CREG1: variants seen among roughly 807,000 people sequenced by gnomAD.
CREG1 encodes cellular repressor of E1A stimulated genes 1, also known as protein CREG1.
CREG1 carries 20 observed loss-of-function variants against 19.9 expected under a neutral mutation model. The ratio of observed to expected loss-of-function variants is 1.01; its 90% CI spans 0.71 to 1.46. The LOEUF is 1.46. Among genes scored for constraint, CREG1 ranks in the 40% most tolerant of loss-of-function variants. CREG1 has a pLI of 0.00. For missense variants in CREG1, 290 were observed against 314.9 expected (o/e 0.92, Z 0.60); for synonymous variants, 141 against 143.3 (o/e 0.98, Z 0.12).
intron 1 of CREG1, among the ~76,000 whole-genome samples, chr1:167,550,616 A>T (rs1264715981): frequency 6.6e-6 from 1 of 152,202 alleles, no homozygotes; most frequent in Non-Finnish European, 1.5e-5. Flanking sequence ...TTACTGAGAA[A>T]ACAATAATTC....
rs3767442 is a variant in CREG1 at position 167,550,818 on chromosome 1, G to C, written c.354+2570C>G. Among the ~76,000 whole-genome samples the C allele has an allele frequency of 3.0e-4, 46 of 152,236 alleles. 2 individuals carry two copies. In the East Asian group the frequency reaches 7.3e-3, roughly 24 times the overall value. On this transcript the variant is annotated intron_variant, in intron 1 of 3. Transcript: ENST00000370509. Reference sequence around the variant, plus strand: ...GTGAGTCCTAGTAAGGACTAGAAGAGAATGTATACAACGAGAGTGTATACA... The same window carrying C: ...GTGAGTCCTAGTAAGGACTAGAAGACAATGTATACAACGAGAGTGTATACA...
intron 3 of CREG1, among the ~76,000 whole-genome samples, chr1:167,543,108 G>A (rs1040413629): frequency 7.2e-5 from 11 of 152,036 alleles, no homozygotes; most frequent in East Asian, 1.9e-4. Flanking sequence ...TTAGCCAGGC[G>A]TGGTGGCAGG....
At chr1:167,551,892 C>A (rs2995066) in intron 1 of CREG1, among the ~76,000 whole-genome samples, 127,712 of 152,196 alleles carry the variant, frequency 0.84, 53,858 homozygotes, top group East Asian at 1. Context: ...TCTGCCTTAG[C>A]TAAAAGAGGG....
chr1:167,549,135 G>C (rs1049830038), intron 1 of CREG1, among the ~76,000 whole-genome samples: 28 of 152,208 alleles, frequency 1.8e-4, no homozygotes, highest in Admixed American at 9.8e-4. Context: ...ACAGAACTGG[G>C]TGAGCCTAAG....
rs1656460763 is a variant in CREG1, at chr1:167,553,498, C to T, written c.244G>A (p.Gly82Ser). The T allele has an allele frequency of 6.7e-7, 1 of 1,490,094 alleles. No individual in the cohort carries two copies. 92.3% of individuals were successfully genotyped at this position (1,490,094 alleles called of 1,614,324 possible). A position where few individuals can be genotyped will look rare whatever the true frequency, so the allele number is the denominator to read the frequency against. ...ATISTLEAVR[G>S]RPFADVLSLS... ...GAGAGGACGTCGGCGAAGGGCCGGC[C>T]GCGCACCGCCTCCAGCGTGGAGATG... The change falls in exon 1 of 4, where the codon GGC becomes AGC. Residue 82 changes from glycine to serine, a missense_variant. Physicochemically the swap from Gly to Ser is moderately conservative, Grantham distance 56 (BLOSUM62 0). Coordinates refer to ENST00000370509, the MANE Select transcript of CREG1 (RefSeq NM_003851.3).
In CREG1 at chr1:167,542,315, CAG is replaced by C; in HGVS notation, c.660-16_660-15del. On this transcript the variant is annotated splice_polypyrimidine_tract_variant and intron_variant, in intron 3 of 3. Transcript: ENST00000370509. ...AGTCTGCTTCACCTAGAAAGGGGAACAGAGAAGAATTATTTTGTTAAACTGGG... is the reference window on the plus strand; with the variant it reads ...AGTCTGCTTCACCTAGAAAGGGGAACAGAAGAATTATTTTGTTAAACTGGG... The C allele has an allele frequency of 6.3e-7, 1 of 1,599,832 alleles. No homozygotes were observed. The highest frequency in any genetic ancestry group is 8.5e-7 in the Non-Finnish European group (1 of 1,174,742).
intron 1 of CREG1, among the ~76,000 whole-genome samples, chr1:167,549,022 CA>C (rs1446527490): frequency 5.9e-5 from 9 of 152,112 alleles, no homozygotes; most frequent in Non-Finnish European, 8.8e-5. Context: ...CAGCATAGAC[CA>C]GAGTGATAGA....
At chr1:167,544,547 G>A (rs899128073) in intron 3 of CREG1, among the ~76,000 whole-genome samples, 15 of 152,150 alleles carry the variant, frequency 9.9e-5, no homozygotes, top group Admixed American at 3.9e-4. Context: ...ATTACACTGA[G>A]CTAGGAGCCT....
At chr1:167,543,675 C>T (rs1283774045) in intron 3 of CREG1, among the ~76,000 whole-genome samples, 1 of 152,230 alleles carries the variant, frequency 6.6e-6, no homozygotes, top group Non-Finnish European at 1.5e-5. Context: ...CACTCCTAGA[C>T]TCGGAGATGG....
chr1:167,546,307 A>C (rs1430161861), intron 2 of CREG1, 22 bp from the exon 3 acceptor site: 1 of 1,480,298 alleles, frequency 6.8e-7, no homozygotes, highest in Non-Finnish European at 9.2e-7. Flanking sequence ...ATATGAAATA[A>C]ACATTCTTAT....
At chr1:167,550,944 C>T (rs188634958) in intron 1 of CREG1, among the ~76,000 whole-genome samples, 1 of 152,112 alleles carries the variant, frequency 6.6e-6, no homozygotes, top group African/African-American at 2.4e-5. Flanking sequence ...GTGACCAGAA[C>T]AGAAAGGGGC....
intron 1 of CREG1, among the ~76,000 whole-genome samples, chr1:167,553,040 C>G (rs1656446257): frequency 8.4e-6 from 1 of 118,578 alleles, no homozygotes. Context: ...AAGTGAGATT[C>G]TGTCTCAAAG....
Position 167,546,305 on chromosome 1 carries a change from T to C in CREG1, c.475-20A>G. 1 of 1,474,810 alleles carries C rather than the reference T, an allele frequency of 6.8e-7. No individual in the cohort carries two copies. The highest frequency in any genetic ancestry group is 1.2e-5 in the South Asian group (1 of 80,594). 91.4% of individuals were successfully genotyped at this position (1,474,810 alleles called of 1,614,324 possible). A position where few individuals can be genotyped will look rare whatever the true frequency, so the allele number is the denominator to read the frequency against. The stretch of plus-strand genomic sequence containing the variant: ...ATTCACCTAAAGGACATATATGAAA[T>C]AAACATTCTTATGGCAGTAACACTT... On this transcript the variant is annotated intron_variant, in intron 2 of 3. Transcript: ENST00000370509.
chr1:167,548,961 C>T lies in CREG1; in HGVS notation c.355-840G>A, dbSNP rs116226439. On this transcript the variant is annotated intron_variant, in intron 1 of 3. Coordinates refer to ENST00000370509, the MANE Select transcript of CREG1 (RefSeq NM_003851.3). ...GACACTCAGGTAAACTCTCTCCCTC[C>T]GTGAGTTTATAATCTGGTTGAAAAG... Among the ~76,000 whole-genome samples the T allele has an allele frequency of 3.9e-3, 588 of 152,210 alleles. 1 individual carries two copies. Among genetic ancestry groups the T allele is most frequent in the African/African-American group, 0.012 (512 of 41,520 alleles).
chr1:167,547,349 A>T lies in CREG1; in HGVS notation c.474+653T>A, dbSNP rs531119844. On this transcript the variant is annotated intron_variant, in intron 2 of 3. Coordinates refer to ENST00000370509, the MANE Select transcript of CREG1 (RefSeq NM_003851.3). ...TAAAATATGGAGACAAGGAGCCCAGACATGGAAAAACATTATACCAATGTA... is the reference window on the plus strand; with the variant it reads ...TAAAATATGGAGACAAGGAGCCCAGTCATGGAAAAACATTATACCAATGTA... 9.2e-5 allele frequency among the ~76,000 whole-genome samples: 14 copies of T among 152,306 alleles called. No individual in the cohort carries two copies. The South Asian group carries it at 2.5e-3, about 27-fold the overall frequency.
chr1:167,549,938 C>T lies in CREG1; in HGVS notation c.355-1817G>A, dbSNP rs112536548. Among the ~76,000 whole-genome samples the T allele has an allele frequency of 8.2e-3, 1,251 of 152,268 alleles. 15 individuals carry two copies. Among genetic ancestry groups the T allele is most frequent in the African/African-American group, 0.029 (1,186 of 41,546 alleles). ...CTAGACTCAAGTGATCCTCCCACCTCGGCCTTCCAAAGTGTTGGGATTACA... is the reference window on the plus strand; with the variant it reads ...CTAGACTCAAGTGATCCTCCCACCTTGGCCTTCCAAAGTGTTGGGATTACA... On this transcript the variant is annotated intron_variant, in intron 1 of 3. Coordinates refer to ENST00000370509, the MANE Select transcript of CREG1 (RefSeq NM_003851.3).
At chr1:167,543,191 G>A (rs778727329) in intron 3 of CREG1, among the ~76,000 whole-genome samples, 5 of 151,340 alleles carry the variant, frequency 3.3e-5, no homozygotes, top group Non-Finnish European at 5.9e-5. Flanking sequence ...AGCTTACAGT[G>A]AGCTGAGATC....
chr1:167,546,834 T>C (rs1158029156), intron 2 of CREG1, among the ~76,000 whole-genome samples: 1 of 152,252 alleles, frequency 6.6e-6, no homozygotes, highest in Non-Finnish European at 1.5e-5. Flanking sequence ...TAATACCAAC[T>C]TTCATTGGTA....
chr1:167,543,019 G>A (rs1423812889), intron 3 of CREG1, among the ~76,000 whole-genome samples: 1 of 152,064 alleles, frequency 6.6e-6, no homozygotes, highest in Non-Finnish European at 1.5e-5. Context: ...AGGCCGAGGC[G>A]GGCAGATCAC....
Sources: gnomAD v4.1 joint callset for allele counts (sites outside exome capture counted in the v4.1 genomes callset) on GRCh38, gnomAD v4.1.1 for gene constraint, MANE v1.5 for transcripts, NCBI Gene and HGNC (gene_info 2026-07-23, HGNC 2026-07-21) for gene names.